Variants in GPR176 observed in about 807,000 individuals in gnomAD.
GPR176 encodes the protein G protein-coupled receptor 176.
A neutral mutation model predicts 35.4 loss-of-function variants in GPR176; 26 were observed. That is an observed-to-expected ratio of 0.74 (90% CI 0.54 to 1.02). GPR176 has a LOEUF of 1.02. Among genes scored for constraint, GPR176 ranks in the 50% least tolerant of loss-of-function variants. GPR176 has a pLI of 0.00. For synonymous variants in GPR176, 278 were observed against 271.3 expected (o/e 1.02, Z -0.24); for missense variants, 597 against 665.3 (o/e 0.90, Z 1.13).
intron 1 of GPR176, among the ~76,000 whole-genome samples, chr15:39,842,436 C>T (rs183445965): frequency 6.6e-6 from 1 of 152,120 alleles, no homozygotes; most frequent in East Asian, 1.9e-4. Flanking sequence ...TCCTCCAACA[C>T]TGGGATTATA....
At chr15:39,883,904 A>G (rs567926699) in intron 1 of GPR176, among the ~76,000 whole-genome samples, 21 of 152,388 alleles carry the variant, frequency 1.4e-4, no homozygotes, top group African/African-American at 5.0e-4. Context: ...ATAAATCTTT[A>G]TTCAGAAATA....
intron 1 of GPR176, among the ~76,000 whole-genome samples, chr15:39,811,296 C>T (rs892661004): frequency 6.6e-5 from 10 of 151,782 alleles, no homozygotes; most frequent in African/African-American, 2.4e-4. Context: ...TCCAAGTGGC[C>T]GAGACTACAG....
At chr15:39,819,826 G>A (rs1900150410) in intron 1 of GPR176, among the ~76,000 whole-genome samples, 1 of 152,232 alleles carries the variant, frequency 6.6e-6, no homozygotes, top group Admixed American at 6.5e-5. Flanking sequence ...AAGTGAGCCT[G>A]ATCGTGCTTC....
intron 1 of GPR176, among the ~76,000 whole-genome samples, chr15:39,879,965 G>A (rs916331352): frequency 2.0e-5 from 3 of 152,078 alleles, no homozygotes; most frequent in Admixed American, 6.5e-5. Context: ...CATTATTTAG[G>A]ATAATTTCAA....
chr15:39,860,500 CAT>C (rs1384257630), intron 1 of GPR176, among the ~76,000 whole-genome samples: 1 of 152,192 alleles, frequency 6.6e-6, no homozygotes, highest in Non-Finnish European at 1.5e-5. Context: ...TATTCCCAAT[CAT>C]GTGTTTTTTC....
chr15:39,870,443 C>A (rs961415835), intron 1 of GPR176, among the ~76,000 whole-genome samples: 1 of 152,110 alleles, frequency 6.6e-6, no homozygotes, highest in Admixed American at 6.5e-5. Flanking sequence ...AAAGGATAAC[C>A]GCAAATCTCT....
chr15:39,820,511 T>C (rs1015365010), intron 1 of GPR176, among the ~76,000 whole-genome samples: 3 of 152,136 alleles, frequency 2.0e-5, no homozygotes, highest in African/African-American at 7.2e-5. Context: ...AATGGTAGCA[T>C]GGAAGGAACT....
At chr15:39,887,333 C>T (rs951159299) in intron 1 of GPR176, among the ~76,000 whole-genome samples, 16 of 152,154 alleles carry the variant, frequency 1.1e-4, no homozygotes, top group Non-Finnish European at 1.8e-4. Flanking sequence ...TATGTAAGTC[C>T]TTGCTAATGA....
At chr15:39,820,988 G>A (rs1378562583) in intron 1 of GPR176, among the ~76,000 whole-genome samples, 1 of 152,168 alleles carries the variant, frequency 6.6e-6, no homozygotes, top group Non-Finnish European at 1.5e-5. Flanking sequence ...CTGGACAAAA[G>A]GTTTCTTTGC....
At chr15:39,914,601 C>T (rs191417773) in intron 1 of GPR176, among the ~76,000 whole-genome samples, 3 of 152,314 alleles carry the variant, frequency 2.0e-5, no homozygotes, top group East Asian at 3.9e-4. Flanking sequence ...TGAGCCACCA[C>T]ACCTGGCCCA....
intron 1 of GPR176, among the ~76,000 whole-genome samples, chr15:39,822,058 T>C (rs1029368112): frequency 5.3e-5 from 8 of 152,234 alleles, no homozygotes; most frequent in African/African-American, 1.9e-4. Context: ...CAAGCAGTCC[T>C]ATGAAGAGGC....
chr15:39,857,031 G>C (rs953981098), intron 1 of GPR176, among the ~76,000 whole-genome samples: 1 of 152,084 alleles, frequency 6.6e-6, no homozygotes, highest in African/African-American at 2.4e-5. Context: ...TGCACAGTAG[G>C]CATTCCATAT....
chr15:39,880,183 T>C (rs2032420125), intron 1 of GPR176, among the ~76,000 whole-genome samples: 1 of 152,160 alleles, frequency 6.6e-6, no homozygotes, highest in Admixed American at 6.5e-5. Flanking sequence ...AGTACAGCAA[T>C]GGACCCCCAC....
chr15:39,864,112 A>C (rs556235055), intron 1 of GPR176, among the ~76,000 whole-genome samples: 2 of 152,274 alleles, frequency 1.3e-5, no homozygotes, highest in East Asian at 3.9e-4. Context: ...ATGTGACTCT[A>C]TGTCACATAG....
intron 1 of GPR176, among the ~76,000 whole-genome samples, chr15:39,896,380 T>G (rs1314448103): frequency 6.6e-6 from 1 of 152,220 alleles, no homozygotes; most frequent in Non-Finnish European, 1.5e-5. Context: ...CTGGCCTTCA[T>G]GACAATACTG....
At chr15:39,873,621 CTTTT>C (rs11446640) in intron 1 of GPR176, among the ~76,000 whole-genome samples, 1 of 141,810 alleles carries the variant, frequency 7.1e-6, no homozygotes, top group African/African-American at 2.6e-5. Context: ...TTTTTCTTTT[CTTTT>C]TTTTTTTTTG....
intron 1 of GPR176, among the ~76,000 whole-genome samples, chr15:39,891,851 A>G (rs1010644049): frequency 1.3e-5 from 2 of 152,202 alleles, no homozygotes; most frequent in Non-Finnish European, 2.9e-5. Context: ...AAAAAATAAA[A>G]TTAAAATTAA....
Position 39,901,701 on chromosome 15 carries a change from G to A in GPR176, c.172+18154C>T, listed in dbSNP as rs530036458. On this transcript the variant is annotated intron_variant, in intron 1 of 2. Coordinates refer to ENST00000561100, the MANE Select transcript of GPR176 (RefSeq NM_007223.3). ...CACCTGTCATCTCCACGGACACTAA[G>A]AAGTTGTTCAGGCATCCCTTAGATC... 7.2e-5 allele frequency among the ~76,000 whole-genome samples: 11 copies of A among 152,242 alleles called. No individual in the cohort carries two copies. In the South Asian group the frequency reaches 2.3e-3, roughly 32 times the overall value.
chr15:39,868,791 C>T (rs953626836), intron 1 of GPR176, among the ~76,000 whole-genome samples: 3 of 152,144 alleles, frequency 2.0e-5, no homozygotes, highest in Non-Finnish European at 1.5e-5. Context: ...GCAGGGGCTA[C>T]CTGGACAGTG....
Sources: allele counts gnomAD v4.1 joint callset (sites outside exome capture counted in the v4.1 genomes callset), GRCh38; gene constraint gnomAD v4.1.1; transcripts MANE v1.5; gene names NCBI Gene and HGNC (gene_info 2026-07-23, HGNC 2026-07-21).